The following CLDN12 variants were observed in gnomAD, a reference collection of about 807,000 sequenced individuals.
The protein encoded by CLDN12 is claudin-12.
CLDN12 carries 9 observed loss-of-function variants against 15.5 expected under a neutral mutation model. The ratio of observed to expected loss-of-function variants is 0.58; its 90% confidence interval spans 0.35 to 1.02. The LOEUF (loss-of-function observed/expected upper bound fraction) is 1.02. Among genes scored for constraint, CLDN12 ranks in the 50% least tolerant of loss-of-function variants. The pLI, the probability that CLDN12 is intolerant of heterozygous loss-of-function variation, is 0.02. For missense variants in CLDN12, 233 were observed against 297.3 expected, an observed-to-expected ratio of 0.78 and a Z score of 1.59; for synonymous variants, 140 against 121.6, an observed-to-expected ratio of 1.15 and a Z score of -1.00.
chr7:90,414,347 A>G lies in CLDN12; in HGVS notation c.*936A>G, dbSNP rs945789489. 23 of 1,000,286 alleles carry G rather than the reference A, an allele frequency of 2.3e-5. No homozygotes were observed. The East Asian group carries it at 1.1e-3, about 49-fold the overall frequency. The allele number at this position is 1,000,286 out of a possible 1,614,324, so 62.0% of individuals were successfully genotyped here. A position where few individuals can be genotyped will look rare whatever the true frequency, so the allele number is the denominator to read the frequency against. Reference sequence around the variant, plus strand: ...TTTTGAGTTATGGGTGAAGTAAGGTATGGCTTTACCATAACCTTGATTCAT... The same window carrying G: ...TTTTGAGTTATGGGTGAAGTAAGGTGTGGCTTTACCATAACCTTGATTCAT... On this transcript the variant is annotated 3_prime_UTR_variant, in exon 4 of 4. Transcript: ENST00000496677.
intron 2 of CLDN12, among the ~76,000 whole-genome samples, chr7:90,408,603 A>G (rs1264093787): frequency 1.3e-5 from 2 of 152,300 alleles, no homozygotes; most frequent in Non-Finnish European, 2.9e-5. Flanking sequence ...GAAGTAGCCA[A>G]AAGAAGCTAG....
chr7:90,415,935 T>TA lies in CLDN12; in HGVS notation c.*2528dup, dbSNP rs1797063002. On this transcript the variant is annotated 3_prime_UTR_variant, in exon 4 of 4. Transcript: ENST00000496677. ...GTGCGCTGTACTTCTTAATGTTTAT[T>TA]AAAAGATGTATTTTTACAAGTTTCT... The TA allele has an allele frequency of 1.2e-5, 2 of 166,480 alleles. No homozygotes were observed. The allele number at this position is 166,480 out of a possible 1,614,324, so 10.3% of individuals were successfully genotyped here.
Position 90,414,107 on chromosome 7 carries a change from G to A in CLDN12, c.*696G>A. Reference sequence around the variant, plus strand: ...AATTGTATTATTGGGATTAGAATGTGCTTTATGACAGGTTAGTGTTTCCTC... The same window carrying A: ...AATTGTATTATTGGGATTAGAATGTACTTTATGACAGGTTAGTGTTTCCTC... On this transcript the variant is annotated 3_prime_UTR_variant, in exon 4 of 4. Transcript: ENST00000496677. 2 of 1,000,058 alleles carry A rather than the reference G, an allele frequency of 2.0e-6. No homozygotes were observed. Among genetic ancestry groups the A allele is most frequent in the Non-Finnish European group, 2.4e-6 (2 of 829,918 alleles). The allele number at this position is 1,000,058 out of a possible 1,614,324, so 61.9% of individuals were successfully genotyped here. A position where few individuals can be genotyped will look rare whatever the true frequency, so the allele number is the denominator to read the frequency against.
intron 3 of CLDN12, 109 bp from the exon 4 acceptor site, chr7:90,412,535 C>T (rs1796988326): frequency 1.2e-6 from 1 of 869,330 alleles, no homozygotes; most frequent in African/African-American, 1.7e-5. Context: ...GACTTTCCCT[C>T]TTTGCATTGA....
Position 90,413,326 on chromosome 7 carries a change from T to G in CLDN12, c.650T>G (p.Met217Arg), listed in dbSNP as rs1797006893. The part of the protein sequence containing the change: ...WQPLYSHPPS[M>R]HTYSQPYSAR... ...CCATTGTACTCCCATCCACCCAGTA[T>G]GCATACTTACTCACAGCCCTATTCA... is the stretch of plus-strand genomic sequence containing the variant. Residue 217 changes from methionine to arginine, a missense_variant, in exon 4 of 4, where the codon ATG (methionine) becomes AGG (arginine). Met to Arg is a moderately conservative substitution (Grantham distance 91). Coordinates refer to ENST00000496677, the MANE Select transcript of CLDN12 (RefSeq NM_001185072.3). 1 of 1,614,094 alleles carries G rather than the reference T, an allele frequency of 6.2e-7. No homozygotes were observed. Among genetic ancestry groups the G allele is most frequent in the African/African-American group, 1.3e-5 (1 of 74,954 alleles).
At chr7:90,412,590 C>A in intron 3 of CLDN12, 54 bp from the exon 4 acceptor site, 1 of 1,437,864 alleles carries the variant, frequency 7.0e-7, no homozygotes, top group Non-Finnish European at 9.4e-7. Flanking sequence ...ACCCTTCCTG[C>A]TCTGTTCTGC....
Position 90,408,277 on chromosome 7 carries a change from G to A in CLDN12, c.-77+2669G>A, listed in dbSNP as rs1040994060. The stretch of plus-strand genomic sequence containing the variant: ...CAGCCCTTTGAAAGGTGGAGGTGGG[G>A]GGATTGCTTGAGCCCAAGAGTTCAA... On this transcript the variant is annotated intron_variant, in intron 2 of 3. Transcript: ENST00000496677. Among the ~76,000 whole-genome samples, 3 of 152,192 alleles carry A rather than the reference G, an allele frequency of 2.0e-5. No individual in the cohort carries two copies. The East Asian group carries it at 5.8e-4, about 29-fold the overall frequency.
Position 90,413,615 on chromosome 7 carries a change from T to C in CLDN12, c.*204T>C, listed in dbSNP as rs973856566. On this transcript the variant is annotated 3_prime_UTR_variant, in exon 4 of 4. Transcript: ENST00000496677. ...TGTGAATTTTTTAAATTTTGCTTCT[T>C]ATACTGGAAGGAATTTTAGCCTTCA... The C allele has an allele frequency of 4.9e-5, 66 of 1,340,936 alleles. No individual in the cohort carries two copies. The highest frequency in any genetic ancestry group is 6.0e-5 in the Non-Finnish European group (63 of 1,044,046). The allele number at this position is 1,340,936 out of a possible 1,614,324, so 83.1% of individuals were successfully genotyped here. A position where few individuals can be genotyped will look rare whatever the true frequency, so the allele number is the denominator to read the frequency against.
chr7:90,414,292 G>C lies in CLDN12; in HGVS notation c.*881G>C, dbSNP rs1797031786. On this transcript the variant is annotated 3_prime_UTR_variant, in exon 4 of 4. Coordinates refer to ENST00000496677, the MANE Select transcript of CLDN12 (RefSeq NM_001185072.3). ...GGACAAGAAGTCTGTTCTTCAGTGAGTACACTAGAGATTTACTCTGGTGAC... is the reference window on the plus strand; with the variant it reads ...GGACAAGAAGTCTGTTCTTCAGTGACTACACTAGAGATTTACTCTGGTGAC... 4 of 1,000,114 alleles carry C rather than the reference G, an allele frequency of 4.0e-6. No individual in the cohort carries two copies. The highest frequency in any genetic ancestry group is 4.8e-6 in the Non-Finnish European group (4 of 829,854). 62.0% of individuals were successfully genotyped at this position (1,000,114 alleles called of 1,614,324 possible).
chr7:90,406,243 C>T (rs1796833695), intron 2 of CLDN12, among the ~76,000 whole-genome samples: 1 of 152,198 alleles, frequency 6.6e-6, no homozygotes, highest in African/African-American at 2.4e-5. Context: ...TGTTCCTGCT[C>T]CAGCCTTCTT....
rs1172501538 is a variant in CLDN12 at position 90,413,930 on chromosome 7, G to A, written c.*519G>A. 2 of 996,820 alleles carry A rather than the reference G, an allele frequency of 2.0e-6. No homozygotes were observed. The highest frequency in any genetic ancestry group is 2.4e-6 in the Non-Finnish European group (2 of 827,500). 61.7% of individuals were successfully genotyped at this position (996,820 alleles called of 1,614,324 possible). On this transcript the variant is annotated 3_prime_UTR_variant, in exon 4 of 4. Transcript: ENST00000496677. ...TAATTGTATGAATAGGTGTCAGTAT[G>A]TTGAAGATTACTTTCTTTTGTGACT...
intron 2 of CLDN12, among the ~76,000 whole-genome samples, chr7:90,407,081 G>C (rs1366758674): frequency 6.6e-6 from 1 of 152,006 alleles, no homozygotes; most frequent in Non-Finnish European, 1.5e-5. Context: ...TTTTTGAAAT[G>C]GAGTCTCGGG....
chr7:90,404,893 T>TA (rs1562967293), intron 1 of CLDN12, among the ~76,000 whole-genome samples: 1 of 151,634 alleles, frequency 6.6e-6, no homozygotes, highest in African/African-American at 2.4e-5. Context: ...CCTTTTTATT[T>TA]TTTTTTTTTT....
chr7:90,404,186 T>C (rs924086086), intron 1 of CLDN12, among the ~76,000 whole-genome samples: 2 of 151,882 alleles, frequency 1.3e-5, no homozygotes, highest in African/African-American at 4.8e-5. Context: ...TGCTCAAGGA[T>C]TCTATTGTGC....
chr7:90,407,976 G>A (rs1326336371), intron 2 of CLDN12, among the ~76,000 whole-genome samples: 2 of 152,150 alleles, frequency 1.3e-5, no homozygotes, highest in Non-Finnish European at 2.9e-5. Flanking sequence ...GCTATGGGGA[G>A]GAGTTGAAAC....
chr7:90,404,182 A>G (rs976760358), intron 1 of CLDN12, among the ~76,000 whole-genome samples: 4 of 149,790 alleles, frequency 2.7e-5, no homozygotes, highest in South Asian at 2.1e-4. Context: ...TGATTGCTCA[A>G]GGATTCTATT....
Position 90,413,994 on chromosome 7 carries a change from T to C in CLDN12, c.*583T>C. The C allele has an allele frequency of 2.0e-6, 2 of 977,444 alleles. No individual in the cohort carries two copies. The highest frequency in any genetic ancestry group is 2.5e-6 in the Non-Finnish European group (2 of 810,068). The allele number at this position is 977,444 out of a possible 1,614,324, so 60.5% of individuals were successfully genotyped here. A position where few individuals can be genotyped will look rare whatever the true frequency, so the allele number is the denominator to read the frequency against. ...TGCCACTGTTTAAAAGTAAAACGTA[T>C]TTTAACGATGTTAGAATAAGACTAC... On this transcript the variant is annotated 3_prime_UTR_variant, in exon 4 of 4. Transcript: ENST00000496677.
rs1322992370 is a variant in CLDN12 at position 90,403,525 on chromosome 7, A to G, written c.-191A>G. 1 of 152,198 alleles carries G rather than the reference A, an allele frequency of 6.6e-6. No individual in the cohort carries two copies. The highest frequency in any genetic ancestry group is 1.9e-4 in the East Asian group (1 of 5,186). 9.4% of individuals were successfully genotyped at this position (152,198 alleles called of 1,614,324 possible). A position where few individuals can be genotyped will look rare whatever the true frequency, so the allele number is the denominator to read the frequency against. ...AAGAGGCTCCTCAGTGTGGGCGAGT[A>G]AAATGCCCTGCGTGTGAGAAGCAGG... is the stretch of plus-strand genomic sequence containing the variant. On this transcript the variant is annotated 5_prime_UTR_variant, in exon 1 of 4. Coordinates refer to ENST00000496677, the MANE Select transcript of CLDN12 (RefSeq NM_001185072.3).
At chr7:90,408,843 T>G (rs1796896325) in intron 2 of CLDN12, 1 of 152,170 alleles carries the variant, frequency 6.6e-6, no homozygotes, top group South Asian at 2.1e-4. Context: ...CTGAAATATA[T>G]ATTGTCGTAC....
Sources: gnomAD v4.1 joint callset for allele counts (sites outside exome capture counted in the v4.1 genomes callset) on GRCh38, gnomAD v4.1.1 for gene constraint, MANE v1.5 for transcripts, NCBI Gene and HGNC (gene_info 2026-07-23, HGNC 2026-07-21) for gene names.